Variants in UTRN observed in about 807,000 individuals in gnomAD.
UTRN encodes the protein utrophin, also known as dystrophin-related protein 1.
Under a neutral mutation model 463.9 loss-of-function variants are expected in UTRN, and 283 were observed. The observed-to-expected ratio is 0.61, with a 90% CI of 0.55 to 0.67. The LOEUF (loss-of-function observed/expected upper bound fraction) is 0.67. Among genes scored for constraint, UTRN ranks in the 30% least tolerant of loss-of-function variants. The probability of loss-of-function intolerance (pLI) is 0.00; values close to 1 mark genes in which losing one functional copy is unlikely to be tolerated. For missense variants in UTRN, 3,922 were observed against 4,084.3 expected, an observed-to-expected ratio of 0.96 and a Z score of 1.08; for synonymous variants, 1,442 against 1,431.5, an observed-to-expected ratio of 1.01 and a Z score of -0.17.
chr6:144,810,358 C>T (rs1359407392), intron 65 of UTRN, among the ~76,000 whole-genome samples: 2 of 152,028 alleles, frequency 1.3e-5, no homozygotes, highest in African/African-American at 2.4e-5. Context: ...ATTATACAGC[C>T]ACAAATGAAA....
In UTRN at chr6:144,388,526, G is replaced by A. The variant is rs900541698; in HGVS notation, c.80-14597G>A. Among the ~76,000 whole-genome samples, 4 of 123,126 alleles carry A rather than the reference G, an allele frequency of 3.2e-5. 1 individual carries two copies. The Admixed American group carries it at 3.4e-4, about 10-fold the overall frequency. 80.8% of individuals were successfully genotyped at this position (123,126 alleles called of 152,430 possible). On this transcript the variant is annotated intron_variant, in intron 2 of 74. Transcript: ENST00000367545. ...TTTATTTATTTATTTATTTGAGACA[G>A]GATCTCACTCACCCAAACTGGAGTG... is the stretch of plus-strand genomic sequence containing the variant.
chr6:144,319,904 A>G (rs2114579614), intron 2 of UTRN, among the ~76,000 whole-genome samples: 1 of 144,800 alleles, frequency 6.9e-6, no homozygotes, highest in South Asian at 2.2e-4. Context: ...CCCAAGCTGG[A>G]GTGTAATGGT....
intron 51 of UTRN, among the ~76,000 whole-genome samples, chr6:144,618,510 G>A (rs188506020): frequency 6.6e-5 from 10 of 152,162 alleles, no homozygotes; most frequent in East Asian, 5.8e-4. Flanking sequence ...TGCACTAACT[G>A]TACTTTGGTT....
chr6:144,451,473 G>A lies in UTRN; in HGVS notation c.2176G>A (p.Glu726Lys), dbSNP rs761628185. The A allele has an allele frequency of 3.9e-5, 62 of 1,608,912 alleles. No homozygotes were observed. The highest frequency in any genetic ancestry group is 2.2e-4 in the Admixed American group (13 of 58,746). ...KEYMKMQDTS[E>K]MKKKLKALEK... ...GTATATGAAGATGCAAGACACTTCC[G>A]AAATGAAAAAGAAGTTGAAGGTAAA... Residue 726 changes from glutamate (E) to lysine (K), a missense_variant, in exon 18 of 75, where the codon GAA becomes AAA. Physicochemically the swap from Glu to Lys is moderately conservative, Grantham distance 56. Around this residue, in one of 3 missense-constraint regions of UTRN, gnomAD observed 2,349 missense variants for 2,303.8 expected, o/e 1.02. Coordinates refer to ENST00000367545, the MANE Select transcript of UTRN (RefSeq NM_007124.3).
At chr6:144,496,655 CGTT>C (rs1401314623) in intron 33 of UTRN, among the ~76,000 whole-genome samples, 2 of 152,092 alleles carry the variant, frequency 1.3e-5, no homozygotes, top group Non-Finnish European at 2.9e-5. Flanking sequence ...TAAATTATCT[CGTT>C]GTCTAATGGA....
In UTRN at chr6:144,781,940, G is replaced by A. The variant is rs776619503; in HGVS notation, c.8651G>A (p.Ser2884Asn). ...KALCLDLLEL[S>N]TTNEIFKQHK... The stretch of plus-strand genomic sequence containing the variant: ...TGGTTAGTGGATCTCTTAGAGTTGA[G>A]TACAACAAATGAAATTTTCAAACAG... The change falls in exon 61 of 75, where the codon AGT becomes AAT. Residue 2884 changes from serine to asparagine, a missense_variant. Physicochemically the swap from Ser to Asn is conservative, Grantham distance 46. Coordinates refer to ENST00000367545, the MANE Select transcript of UTRN (RefSeq NM_007124.3). The A allele has an allele frequency of 5.6e-6, 9 of 1,613,712 alleles. No individual in the cohort carries two copies. The African/African-American group carries it at 1.2e-4, about 22-fold the overall frequency.
At chr6:144,698,425 CTTTT>C (rs925855443) in intron 52 of UTRN, among the ~76,000 whole-genome samples, 2 of 152,222 alleles carry the variant, frequency 1.3e-5, no homozygotes, top group African/African-American at 4.8e-5. Context: ...TGTATTTAAA[CTTTT>C]TTTATTATTT....
chr6:144,524,633 A>G (rs1796403434), intron 41 of UTRN, among the ~76,000 whole-genome samples: 1 of 152,164 alleles, frequency 6.6e-6, no homozygotes, highest in African/African-American at 2.4e-5. Flanking sequence ...TGTTACCAGC[A>G]AACAGTAACA....
At chr6:144,687,228 G>A (rs1262292595) in intron 52 of UTRN, among the ~76,000 whole-genome samples, 1 of 152,064 alleles carries the variant, frequency 6.6e-6, no homozygotes, top group African/African-American at 2.4e-5. Context: ...ATATTGGTCT[G>A]TACTTTTGTT....
chr6:144,430,821 T>C (rs1319159121), intron 9 of UTRN, among the ~76,000 whole-genome samples: 3 of 152,192 alleles, frequency 2.0e-5, no homozygotes, highest in Non-Finnish European at 4.4e-5. Flanking sequence ...ATCTTTTTTT[T>C]CCATCCTCTG....
chr6:144,554,967 C>G (rs1463868350), intron 49 of UTRN, 74 bp downstream of exon 49: 19 of 1,475,288 alleles, frequency 1.3e-5, no homozygotes, highest in Middle Eastern at 4.0e-4. Flanking sequence ...CACTGTAATT[C>G]TTAACAATAG....
intron 53 of UTRN, among the ~76,000 whole-genome samples, chr6:144,711,323 A>G (rs927507948): frequency 2.0e-5 from 3 of 151,850 alleles, no homozygotes; most frequent in Admixed American, 2.0e-4. Context: ...CTCAAAACAA[A>G]CAAACAAACA....
At chr6:144,477,120 CGTGGT>C (rs1791297388) in intron 25 of UTRN, among the ~76,000 whole-genome samples, 1 of 151,924 alleles carries the variant, frequency 6.6e-6, no homozygotes, top group African/African-American at 2.4e-5. Context: ...ATGGTTTCTC[CGTGGT>C]AATGGAAGGG....
At chr6:144,691,778 A>G (rs1235190342) in intron 52 of UTRN, among the ~76,000 whole-genome samples, 1 of 152,180 alleles carries the variant, frequency 6.6e-6, no homozygotes, top group Non-Finnish European at 1.5e-5. Context: ...ATAATTTGAT[A>G]CTTTCTACTT....
At chr6:144,568,279 A>C (rs1800604905) in intron 50 of UTRN, among the ~76,000 whole-genome samples, 1 of 152,150 alleles carries the variant, frequency 6.6e-6, no homozygotes, top group South Asian at 2.1e-4. Context: ...TTACCCTTCT[A>C]AACTTAAAAT....
chr6:144,821,408 A>G (rs966717115), intron 66 of UTRN, among the ~76,000 whole-genome samples: 5 of 151,678 alleles, frequency 3.3e-5, no homozygotes, highest in African/African-American at 1.2e-4. Context: ...AGTATGTTTT[A>G]TACTCTTTTT....
chr6:144,811,950 CT>C (rs374548427), intron 65 of UTRN, among the ~76,000 whole-genome samples: 2 of 151,992 alleles, frequency 1.3e-5, no homozygotes, highest in African/African-American at 4.8e-5. Flanking sequence ...TGCCAAGTGA[CT>C]TTTTTTATAT....
chr6:144,593,896 G>T (rs2128633096), intron 51 of UTRN, among the ~76,000 whole-genome samples: 1 of 152,204 alleles, frequency 6.6e-6, no homozygotes, highest in East Asian at 1.9e-4. Context: ...CTCAAACACA[G>T]ACAGCATTTC....
At chr6:144,312,640 CA>C (rs1775014661) in intron 2 of UTRN, among the ~76,000 whole-genome samples, 1 of 152,034 alleles carries the variant, frequency 6.6e-6, no homozygotes, top group Non-Finnish European at 1.5e-5. Context: ...TATTTAATAA[CA>C]AGACATTCTA....
Sources: allele counts gnomAD v4.1 joint callset (sites outside exome capture counted in the v4.1 genomes callset), GRCh38; gene constraint gnomAD v4.1.1; regional missense constraint gnomAD v4.1.1; transcripts MANE v1.5; gene names NCBI Gene and HGNC (gene_info 2026-07-23, HGNC 2026-07-21).